PSEN1: variants seen among roughly 807,000 people sequenced by gnomAD.
PSEN1 encodes presenilin 1.
PSEN1 carries 15 observed loss-of-function variants against 53.5 expected under a neutral mutation model. That is an observed-to-expected ratio of 0.28 (90% CI 0.19 to 0.43). The LOEUF is 0.43. Ranked by LOEUF, PSEN1 falls within the 20% of genes least tolerant of loss-of-function variation. The probability of loss-of-function intolerance (pLI) is 1.00; values close to 1 mark genes in which losing one functional copy is unlikely to be tolerated. For missense variants in PSEN1, 387 were observed against 571.2 expected, an observed-to-expected ratio of 0.68 and a Z score of 3.29; for synonymous variants, 208 against 209.8, an observed-to-expected ratio of 0.99 and a Z score of 0.08.
chr14:73,199,650 T>G (rs1313748978), intron 8 of PSEN1, among the ~76,000 whole-genome samples: 1 of 152,222 alleles, frequency 6.6e-6, no homozygotes, highest in Admixed American at 6.5e-5. Flanking sequence ...GTATTTAAAT[T>G]TTGATAGTTT....
intron 6 of PSEN1, among the ~76,000 whole-genome samples, chr14:73,190,348 G>A (rs1199868671): frequency 6.6e-6 from 1 of 151,828 alleles, no homozygotes; most frequent in African/African-American, 2.4e-5. Context: ...ACTTAGCCAG[G>A]CGTGGTGGTG....
intron 5 of PSEN1, among the ~76,000 whole-genome samples, chr14:73,185,414 G>A (rs1212020526): frequency 6.6e-6 from 1 of 152,212 alleles, no homozygotes; most frequent in Non-Finnish European, 1.5e-5. Flanking sequence ...GACCGGCCTG[G>A]CCAACACAGC....
At chr14:73,206,953 T>C (rs2140126197) in intron 9 of PSEN1, among the ~76,000 whole-genome samples, 1 of 152,156 alleles carries the variant, frequency 6.6e-6, no homozygotes, top group South Asian at 2.1e-4. Flanking sequence ...AAATATGATT[T>C]GAGATGTGCT....
intron 3 of PSEN1, among the ~76,000 whole-genome samples, chr14:73,154,567 C>A (rs1468164657): frequency 6.6e-6 from 1 of 152,112 alleles, no homozygotes; most frequent in African/African-American, 2.4e-5. Flanking sequence ...TGCCACTGCA[C>A]TTCAACCTGG....
chr14:73,186,963 CT>C lies in PSEN1; in HGVS notation c.548+46del, dbSNP rs755855885. The C allele has an allele frequency of 1.3e-5, 19 of 1,419,952 alleles. No homozygotes were observed. The Middle Eastern group carries it at 5.3e-4, about 40-fold the overall frequency. 88.0% of individuals were successfully genotyped at this position (1,419,952 alleles called of 1,614,324 possible). A position where few individuals can be genotyped will look rare whatever the true frequency, so the allele number is the denominator to read the frequency against. On this transcript the variant is annotated intron_variant, in intron 6 of 11. Transcript: ENST00000324501. ...TGGTCTGTCTTTCAGAATTAACTAC[CT>C]TTGTGCTGTGTAGCTATCATTTAAA...
intron 1 of PSEN1, among the ~76,000 whole-genome samples, chr14:73,146,983 A>G (rs1045291656): frequency 6.6e-6 from 1 of 152,112 alleles, no homozygotes; most frequent in African/African-American, 2.4e-5. Flanking sequence ...TCATCCCTGT[A>G]AATAAGGCTG....
chr14:73,162,179 C>CA (rs539983327), intron 3 of PSEN1, among the ~76,000 whole-genome samples: 7,781 of 107,454 alleles, frequency 0.072, 297 homozygotes, highest in Non-Finnish European at 0.11. Context: ...AACTCCATCT[C>CA]AAAAAAAAAA....
intron 1 of PSEN1, among the ~76,000 whole-genome samples, chr14:73,139,842 G>C (rs1896868119): frequency 6.6e-6 from 1 of 152,176 alleles, no homozygotes; most frequent in African/African-American, 2.4e-5. Flanking sequence ...TAATACTCTT[G>C]CTTGGATGAG....
chr14:73,206,451 A>G lies in PSEN1; in HGVS notation c.934A>G (p.Asn312Asp). Residue 312 changes from asparagine to aspartate, a missense_variant, in exon 9 of 12, where the codon AAT becomes GAT. Around this residue, in one of 4 missense-constraint regions of PSEN1, gnomAD observed 169 missense variants for 299.7 expected, o/e 0.56. Transcript: ENST00000324501. The part of the protein sequence containing the change: ...DPEAQRRVSK[N>D]SKYNAESTER... ...GGAAGCTCAAAGGAGAGTATCCAAA[A>G]ATTCCAAGTATAATGCAGAAAGTAG... is the stretch of plus-strand genomic sequence containing the variant. The G allele has an allele frequency of 1.9e-6, 3 of 1,613,756 alleles. No homozygotes were observed. Among genetic ancestry groups the G allele is most frequent in the Non-Finnish European group, 2.5e-6 (3 of 1,179,646 alleles).
chr14:73,138,776 G>C lies in PSEN1; in HGVS notation c.-136+2193G>C, dbSNP rs901438483. On this transcript the variant is annotated intron_variant, in intron 1 of 11. Coordinates refer to ENST00000324501, the MANE Select transcript of PSEN1 (RefSeq NM_000021.4). ...GAGATCGAGACATCCTGGCTAACAC[G>C]GTGAAACCCCATCTCTACTAAAAAA... Among the ~76,000 whole-genome samples the C allele has an allele frequency of 2.0e-5, 3 of 146,602 alleles. No individual in the cohort carries two copies. In the East Asian group the frequency reaches 6.5e-4, roughly 32 times the overall value.
In PSEN1 at chr14:73,213,274, C is replaced by A. The variant is rs560885666; in HGVS notation, c.1129+1332C>A. On this transcript the variant is annotated intron_variant, in intron 10 of 11. Transcript: ENST00000324501. ...CTACTTTCCTCTTTTCTCACAGGCACCAGGAGCCAGAGGAAATAACATAAT... is the reference window on the plus strand; with the variant it reads ...CTACTTTCCTCTTTTCTCACAGGCAACAGGAGCCAGAGGAAATAACATAAT... Among the ~76,000 whole-genome samples the A allele has an allele frequency of 9.1e-4, 138 of 152,280 alleles. 1 individual carries two copies. Among genetic ancestry groups the A allele is most frequent in the Non-Finnish European group, 1.8e-3 (121 of 68,016 alleles).
chr14:73,151,401 G>A (rs535941925), intron 3 of PSEN1, among the ~76,000 whole-genome samples: 1 of 152,138 alleles, frequency 6.6e-6, no homozygotes, highest in Non-Finnish European at 1.5e-5. Context: ...TTTAGAGATT[G>A]CTAGGATTCT....
intron 8 of PSEN1, among the ~76,000 whole-genome samples, chr14:73,201,660 G>C (rs1262793690): frequency 6.6e-6 from 1 of 152,234 alleles, no homozygotes; most frequent in East Asian, 1.9e-4. Flanking sequence ...AAAGATTCCT[G>C]TCTCACAGGC....
chr14:73,157,276 C>T (rs1399258042), intron 3 of PSEN1, among the ~76,000 whole-genome samples: 3 of 151,842 alleles, frequency 2.0e-5, no homozygotes, highest in Non-Finnish European at 4.4e-5. Context: ...CAGGCACGCA[C>T]CACCACACCC....
intron 3 of PSEN1, among the ~76,000 whole-genome samples, chr14:73,152,624 C>A (rs935603389): frequency 2.6e-5 from 4 of 151,496 alleles, no homozygotes; most frequent in African/African-American, 4.8e-5. Flanking sequence ...AAAAAAAAAA[C>A]CCACAAAAGC....
At position 73,222,539 on chromosome 14, in the gene PSEN1, GA is replaced by G. The variant is rs1900137516; in HGVS notation, c.*3251del. 6.6e-6 allele frequency: 1 copy of G among 152,146 alleles called. No individual in the cohort carries two copies. The highest frequency in any genetic ancestry group is 6.5e-5 in the Admixed American group (1 of 15,278). 9.4% of individuals were successfully genotyped at this position (152,146 alleles called of 1,614,324 possible). A position where few individuals can be genotyped will look rare whatever the true frequency, so the allele number is the denominator to read the frequency against. On this transcript the variant is annotated 3_prime_UTR_variant, in exon 12 of 12. Coordinates refer to ENST00000324501, the MANE Select transcript of PSEN1 (RefSeq NM_000021.4). ...AGGCTTTGTATATTTGATCATTTGT[GA>G]TCTAACCCTGGAAGAAAAAGAGCTC...
chr14:73,145,576 T>C (rs1594961327), intron 1 of PSEN1, among the ~76,000 whole-genome samples: 1 of 150,236 alleles, frequency 6.7e-6, no homozygotes, highest in African/African-American at 2.4e-5. Flanking sequence ...TGGCCTCAAG[T>C]AGTAACACCC....
At chr14:73,207,800 G>A (rs1899513069) in intron 9 of PSEN1, among the ~76,000 whole-genome samples, 1 of 152,222 alleles carries the variant, frequency 6.6e-6, no homozygotes, top group South Asian at 2.1e-4. Flanking sequence ...AGGCAAGCCA[G>A]GCATGGAGCA....
intron 3 of PSEN1, among the ~76,000 whole-genome samples, chr14:73,151,074 AAAAC>A (rs1049687743): frequency 7.2e-5 from 11 of 152,162 alleles, no homozygotes; most frequent in Non-Finnish European, 1.5e-4. Flanking sequence ...TCTAAAAAAA[AAAAC>A]AAAAAAAAAC....
Sources: allele counts gnomAD v4.1 joint callset (sites outside exome capture counted in the v4.1 genomes callset), GRCh38; gene constraint gnomAD v4.1.1; regional missense constraint gnomAD v4.1.1; transcripts MANE v1.5; gene names NCBI Gene and HGNC (gene_info 2026-07-23, HGNC 2026-07-21).